Variants in RPS6KC1 observed in about 807,000 individuals in gnomAD.
RPS6KC1 encodes inactive ribosomal protein S6 kinase delta-1.
A neutral mutation model predicts 103.8 loss-of-function variants in RPS6KC1; 54 were observed. That is an observed-to-expected ratio of 0.52 (90% CI 0.42 to 0.65). RPS6KC1 has a LOEUF of 0.65. Among genes scored for constraint, RPS6KC1 ranks in the 30% least tolerant of loss-of-function variants. RPS6KC1 has a pLI of 0.00. For missense variants in RPS6KC1, 1,151 were observed against 1,253.8 expected (o/e 0.92, Z 1.24); for synonymous variants, 439 against 438.7 (o/e 1.00, Z -0.01).
chr1:213,802,705 C>A, the RPS6KC1 span, among the ~76,000 whole-genome samples: 1 of 152,206 alleles, frequency 6.6e-6, no homozygotes, highest in Non-Finnish European at 1.5e-5. Context: ...AAGGACATTT[C>A]TTTATTATTA....
At chr1:213,564,667 A>G in the RPS6KC1 span, among the ~76,000 whole-genome samples, 7 of 152,308 alleles carry the variant, frequency 4.6e-5, no homozygotes, top group African/African-American at 1.4e-4. Context: ...TCAAAGGTCT[A>G]AATTTCAACT....
chr1:213,646,370 C>T, the RPS6KC1 span, among the ~76,000 whole-genome samples: 1 of 152,102 alleles, frequency 6.6e-6, no homozygotes, highest in Non-Finnish European at 1.5e-5. Context: ...GGAGTGTGGC[C>T]TGTAGAAGAT....
the RPS6KC1 span, among the ~76,000 whole-genome samples, chr1:213,791,014 C>T: frequency 2.0e-4 from 19 of 95,396 alleles, no homozygotes; most frequent in African/African-American, 1.5e-3. Flanking sequence ...GATTAGGATC[C>T]CTCAGTAGGG....
chr1:213,289,010 G>A, the RPS6KC1 span, among the ~76,000 whole-genome samples: 3 of 152,028 alleles, frequency 2.0e-5, no homozygotes, highest in Non-Finnish European at 2.9e-5. Context: ...TCAGGTTTCC[G>A]AAGCGCATCC....
the RPS6KC1 span, among the ~76,000 whole-genome samples, chr1:213,534,645 C>T: frequency 6.6e-6 from 1 of 152,162 alleles, no homozygotes; most frequent in African/African-American, 2.4e-5. Flanking sequence ...GAAATATGAA[C>T]TGATATGCTT....
intron 8 of RPS6KC1, among the ~76,000 whole-genome samples, chr1:213,220,792 A>C (rs2093811266): frequency 6.6e-6 from 1 of 152,246 alleles, no homozygotes; most frequent in Non-Finnish European, 1.5e-5. Context: ...CTTTTACAAT[A>C]AATGTATGCC....
At chr1:213,804,173 T>TAA in the RPS6KC1 span, among the ~76,000 whole-genome samples, 5,336 of 57,074 alleles carry the variant, frequency 0.093, 243 homozygotes, top group East Asian at 0.23. Context: ...TGGCTAATCT[T>TAA]AAAAAAAAAA....
chr1:213,293,018 T>G, the RPS6KC1 span, among the ~76,000 whole-genome samples: 1 of 152,204 alleles, frequency 6.6e-6, no homozygotes, highest in African/African-American at 2.4e-5. Context: ...TTCCACCACT[T>G]TTGTGTGTGT....
Position 213,241,147 on chromosome 1 carries a change from C to T in RPS6KC1, c.1671C>T (p.Asp557=). ...IKSFPAHLAA[D]SDSPSTQLRA... The stretch of plus-strand genomic sequence containing the variant: ...GCTTCCCAGCACACCTTGCTGCTGA[C>T]AGTGACAGCCCCAGCACACAGCTGA... Residue 557 remains aspartate (D), a synonymous_variant, in exon 11 of 15, where the codon GAC becomes GAT. Transcript: ENST00000366960. 6.2e-7 allele frequency: 1 copy of T among 1,613,848 alleles called. No homozygotes were observed. Among genetic ancestry groups the T allele is most frequent in the Non-Finnish European group, 8.5e-7 (1 of 1,179,922 alleles).
intron 12 of RPS6KC1, among the ~76,000 whole-genome samples, chr1:213,244,430 A>G (rs1444879135): frequency 6.6e-6 from 1 of 152,178 alleles, no homozygotes; most frequent in African/African-American, 2.4e-5. Context: ...AATATTTGTA[A>G]GTAGTTTCTT....
At chr1:213,336,070 G>A in the RPS6KC1 span, among the ~76,000 whole-genome samples, 14 of 152,340 alleles carry the variant, frequency 9.2e-5, no homozygotes, top group East Asian at 2.5e-3. Flanking sequence ...TCAACACGGA[G>A]TCAAGTTAAA....
At chr1:213,060,847 C>G (rs899326735) in intron 1 of RPS6KC1, among the ~76,000 whole-genome samples, 3 of 152,108 alleles carry the variant, frequency 2.0e-5, no homozygotes, top group African/African-American at 7.2e-5. Context: ...TTTTAATAAT[C>G]TAGAAAGCCA....
At chr1:213,672,017 C>T in the RPS6KC1 span, among the ~76,000 whole-genome samples, 1 of 152,102 alleles carries the variant, frequency 6.6e-6, no homozygotes, top group Non-Finnish European at 1.5e-5. Context: ...CCCAACCCTA[C>T]CCACACAGGT....
chr1:213,705,186 C>T, the RPS6KC1 span, among the ~76,000 whole-genome samples: 1 of 152,210 alleles, frequency 6.6e-6, no homozygotes, highest in African/African-American at 2.4e-5. Context: ...TCCAGCAAGA[C>T]CTGTGTCCTT....
chr1:213,768,477 C>A, the RPS6KC1 span, among the ~76,000 whole-genome samples: 14 of 152,252 alleles, frequency 9.2e-5, no homozygotes, highest in African/African-American at 3.4e-4. Flanking sequence ...ACAAGGTGAA[C>A]AGGAAATTAT....
At chr1:213,618,372 CA>C in the RPS6KC1 span, among the ~76,000 whole-genome samples, 1 of 152,162 alleles carries the variant, frequency 6.6e-6, no homozygotes, top group African/African-American at 2.4e-5. Context: ...AGGGGATTTT[CA>C]GGAGCAAAAT....
At chr1:213,819,453 G>T in the RPS6KC1 span, 1 of 152,200 alleles carries the variant, frequency 6.6e-6, no homozygotes, top group African/African-American at 2.4e-5. Flanking sequence ...CTGCATCTAA[G>T]ATGGGGCCCA....
At chr1:213,392,857 T>G in the RPS6KC1 span, among the ~76,000 whole-genome samples, 2 of 152,218 alleles carry the variant, frequency 1.3e-5, no homozygotes, top group Non-Finnish European at 2.9e-5. Context: ...ATTTGGTCAG[T>G]TAAATCATTT....
chr1:213,303,054 G>A, the RPS6KC1 span, among the ~76,000 whole-genome samples: 1 of 152,120 alleles, frequency 6.6e-6, no homozygotes, highest in East Asian at 1.9e-4. Flanking sequence ...AGTAGCACTC[G>A]ACTGTATGTA....
Sources: allele counts gnomAD v4.1 joint callset (sites outside exome capture counted in the v4.1 genomes callset), GRCh38; gene constraint gnomAD v4.1.1; transcripts MANE v1.5; gene names NCBI Gene and HGNC (gene_info 2026-07-23, HGNC 2026-07-21).